Variants in HSD17B12 observed in about 807,000 individuals in gnomAD.
HSD17B12 encodes very-long-chain 3-oxoacyl-CoA reductase.
HSD17B12 carries 32 observed loss-of-function variants against 39.3 expected under a neutral mutation model. The observed-to-expected ratio is 0.81, with a 90% confidence interval of 0.61 to 1.09. The LOEUF is 1.09. Among genes scored for constraint, HSD17B12 ranks in the 50% least tolerant of loss-of-function variants. The probability of loss-of-function intolerance (pLI) is 0.00; values close to 1 mark genes in which losing one functional copy is unlikely to be tolerated. For missense variants in HSD17B12, 342 were observed against 382.9 expected (o/e 0.89, Z 0.89); for synonymous variants, 150 against 146.7 (o/e 1.02, Z -0.16).
chr11:43,788,515 A>C (rs1950836630), intron 3 of HSD17B12, among the ~76,000 whole-genome samples: 2 of 152,134 alleles, frequency 1.3e-5, no homozygotes, highest in South Asian at 4.1e-4. Context: ...TCTCACTCAG[A>C]AGTCCCTCCC....
rs367954563 is a variant in HSD17B12, at chr11:43,839,536, A to G, written c.619-463A>G. On this transcript the variant is annotated intron_variant, in intron 8 of 10. Coordinates refer to ENST00000278353, the MANE Select transcript of HSD17B12 (RefSeq NM_016142.3). ...GATGGGCTGTCACATTCACCTCTAT[A>G]CTTCTTGGATCTTGTCATCCCAAAG... Among the ~76,000 whole-genome samples, 8 of 152,130 alleles carry G rather than the reference A, an allele frequency of 5.3e-5. No homozygotes were observed. The East Asian group carries it at 7.7e-4, about 15-fold the overall frequency.
At chr11:43,793,038 T>C (rs1749691731) in intron 3 of HSD17B12, among the ~76,000 whole-genome samples, 1 of 152,152 alleles carries the variant, frequency 6.6e-6, no homozygotes, top group African/African-American at 2.4e-5. Flanking sequence ...CTGCAGGGAA[T>C]ACAAATATGA....
chr11:43,633,886 C>A, the HSD17B12 span, among the ~76,000 whole-genome samples: 6 of 151,738 alleles, frequency 4.0e-5, no homozygotes, highest in African/African-American at 1.4e-4. Context: ...ACCAGCCTGG[C>A]CAACATGGAG....
At chr11:43,652,425 T>C in the HSD17B12 span, among the ~76,000 whole-genome samples, 1 of 152,206 alleles carries the variant, frequency 6.6e-6, no homozygotes, top group Non-Finnish European at 1.5e-5. Context: ...CAAGCAGTTC[T>C]GCAGCAGGCA....
rs1018617794 is a variant in HSD17B12, at chr11:43,845,842, G to T, written c.684+5778G>T. Reference sequence around the variant, plus strand: ...GACCCTAAAACTGTGCAAATATTTTGGCCCTTATCAAAATTTCCCCTAGAT... The same window carrying T: ...GACCCTAAAACTGTGCAAATATTTTTGCCCTTATCAAAATTTCCCCTAGAT... On this transcript the variant is annotated intron_variant, in intron 9 of 10. Coordinates refer to ENST00000278353, the MANE Select transcript of HSD17B12 (RefSeq NM_016142.3). 2.5e-4 allele frequency among the ~76,000 whole-genome samples: 38 copies of T among 152,092 alleles called. 1 individual carries two copies. Among genetic ancestry groups the T allele is most frequent in the Non-Finnish European group, 3.4e-4 (23 of 68,022 alleles).
At chr11:43,653,209 T>C in the HSD17B12 span, among the ~76,000 whole-genome samples, 2 of 152,128 alleles carry the variant, frequency 1.3e-5, no homozygotes, top group Non-Finnish European at 1.5e-5. Context: ...ATGGGAGTTA[T>C]GAGCCAGGAA....
intron 3 of HSD17B12, among the ~76,000 whole-genome samples, chr11:43,797,680 A>G (rs994250229): frequency 4.6e-5 from 7 of 152,306 alleles, no homozygotes; most frequent in Admixed American, 4.6e-4. Flanking sequence ...TTCTGAAGCT[A>G]TTATTTTCAT....
At chr11:43,640,311 C>T in the HSD17B12 span, among the ~76,000 whole-genome samples, 1 of 151,954 alleles carries the variant, frequency 6.6e-6, no homozygotes, top group African/African-American at 2.4e-5. Flanking sequence ...ATTTTCTAAG[C>T]AGAAAATAAT....
At chr11:43,648,449 G>C in the HSD17B12 span, among the ~76,000 whole-genome samples, 1 of 151,932 alleles carries the variant, frequency 6.6e-6, no homozygotes, top group Non-Finnish European at 1.5e-5. Context: ...TATAGCTGTA[G>C]CTTCTTTTTC....
At chr11:43,833,866 T>C (rs1259947119) in intron 7 of HSD17B12, 1 of 152,224 alleles carries the variant, frequency 6.6e-6, no homozygotes. Context: ...AAGGTATTGT[T>C]ACCATAGATG....
At chr11:43,751,353 G>A (rs1011698286) in intron 2 of HSD17B12, among the ~76,000 whole-genome samples, 2 of 152,142 alleles carry the variant, frequency 1.3e-5, no homozygotes, top group African/African-American at 4.8e-5. Context: ...TTCACAAGAA[G>A]GACTGTGATT....
At chr11:43,683,299 A>G (rs767333022) in intron 1 of HSD17B12, among the ~76,000 whole-genome samples, 1 of 152,126 alleles carries the variant, frequency 6.6e-6, no homozygotes, top group Non-Finnish European at 1.5e-5. Flanking sequence ...AGATTTAGAT[A>G]TGAAATTTGA....
chr11:43,798,775 G>A (rs1037106932), intron 4 of HSD17B12, among the ~76,000 whole-genome samples: 1 of 152,106 alleles, frequency 6.6e-6, no homozygotes, highest in Non-Finnish European at 1.5e-5. Flanking sequence ...TATAGCTTAT[G>A]CGCATCCTTC....
the HSD17B12 span, among the ~76,000 whole-genome samples, chr11:43,646,949 C>T: frequency 3.4e-4 from 51 of 152,232 alleles, no homozygotes; most frequent in South Asian, 1.0e-3. Context: ...TGGATAGATA[C>T]GTCAAAAGGT....
intron 4 of HSD17B12, among the ~76,000 whole-genome samples, chr11:43,814,962 C>T (rs777351835): frequency 9.2e-5 from 14 of 152,098 alleles, no homozygotes; most frequent in East Asian, 5.8e-4. Flanking sequence ...CATTCTGGAG[C>T]GGAACAAAAT....
At chr11:43,680,726 G>A (rs1243245635), upstream of HSD17B12, 6 of 1,038,138 alleles carry the variant, frequency 5.8e-6, no homozygotes, top group Non-Finnish European at 7.5e-6. Context: ...TGTCGGAGCA[G>A]CGCCTATTAG....
chr11:43,737,755 A>G (rs911654389), intron 1 of HSD17B12, among the ~76,000 whole-genome samples: 1 of 152,166 alleles, frequency 6.6e-6, no homozygotes, highest in Non-Finnish European at 1.5e-5. Context: ...TGTTAAATGA[A>G]GAAGCAAATC....
intron 1 of HSD17B12, among the ~76,000 whole-genome samples, chr11:43,689,572 G>A (rs1346997280): frequency 6.6e-6 from 1 of 151,502 alleles, no homozygotes; most frequent in East Asian, 1.9e-4. Flanking sequence ...TTTGAAGCTG[G>A]GTCCTGCTCT....
At chr11:43,822,604 T>TAGTTTGCTG (rs1951193838) in intron 6 of HSD17B12, among the ~76,000 whole-genome samples, 2 of 152,306 alleles carry the variant, frequency 1.3e-5, no homozygotes, top group Non-Finnish European at 1.5e-5. Flanking sequence ...GGCCTTGCGA[T>TAGTTTGCTG]AGTTTGCTGA....
Sources: gnomAD v4.1 joint callset for allele counts (sites outside exome capture counted in the v4.1 genomes callset) on GRCh38, gnomAD v4.1.1 for gene constraint, MANE v1.5 for transcripts, NCBI Gene and HGNC (gene_info 2026-07-23, HGNC 2026-07-21) for gene names.